Variants in MROH7 observed in about 807,000 individuals in gnomAD.
MROH7 encodes the protein maestro heat like repeat family member 7, also known as maestro heat-like repeat-containing protein family member 7.
MROH7 carries 113 observed loss-of-function variants against 129.2 expected under a neutral mutation model. The ratio of observed to expected loss-of-function variants is 0.87; its 90% CI spans 0.75 to 1.02. The LOEUF (loss-of-function observed/expected upper bound fraction) is 1.02, where lower values mean the gene tolerates loss of function less well. Among genes scored for constraint, MROH7 ranks in the 50% least tolerant of loss-of-function variants. The pLI, the probability that MROH7 is intolerant of heterozygous loss-of-function variation, is 0.00. For synonymous variants in MROH7, 655 were observed against 667.9 expected, an observed-to-expected ratio of 0.98 and a Z score of 0.30; for missense variants, 1,601 against 1,671.3, an observed-to-expected ratio of 0.96 and a Z score of 0.73.
intron 17 of MROH7, chr1:54,699,659 C>T (rs191975015): frequency 1.0e-4 from 18 of 173,946 alleles, no homozygotes; most frequent in South Asian, 3.2e-4. Flanking sequence ...GCACATATTC[C>T]GCACCAGAGT....
intron 14 of MROH7, 27 bp downstream of exon 14, chr1:54,682,821 T>C (rs1201922726): frequency 1.9e-6 from 3 of 1,603,120 alleles, no homozygotes; most frequent in Non-Finnish European, 2.5e-6. Flanking sequence ...CCAGCCCCTA[T>C]TGCTGCCTGT....
chr1:54,706,615 C>A, intron 22 of MROH7, 78 bp downstream of exon 22: 1 of 1,085,942 alleles, frequency 9.2e-7, no homozygotes, highest in Non-Finnish European at 1.4e-6. Context: ...AGGCTGCTAG[C>A]CCTTTCAGCA....
intron 1 of MROH7, among the ~76,000 whole-genome samples, chr1:54,642,401 G>C (rs1378140585): frequency 2.6e-5 from 4 of 152,120 alleles, no homozygotes; most frequent in African/African-American, 9.7e-5. Flanking sequence ...ATTATAGCTG[G>C]GTATCAGGAA....
At chr1:54,646,970 G>GTAC (rs1437417459) in intron 1 of MROH7, among the ~76,000 whole-genome samples, 3 of 152,206 alleles carry the variant, frequency 2.0e-5, no homozygotes, top group Non-Finnish European at 2.9e-5. Context: ...ACATGCATGA[G>GTAC]TACTTCATTC....
chr1:54,659,504 G>T (rs1644699772), intron 3 of MROH7, among the ~76,000 whole-genome samples: 1 of 151,096 alleles, frequency 6.6e-6, no homozygotes, highest in Non-Finnish European at 1.5e-5. Flanking sequence ...GCCCAGGCTG[G>T]AGTGCAATGG....
chr1:54,679,786 C>A, intron 12 of MROH7, 105 bp from the exon 13 acceptor site: 1 of 1,150,654 alleles, frequency 8.7e-7, no homozygotes, highest in Non-Finnish European at 1.3e-6. Context: ...GCCTTCTCCC[C>A]TGTCCTCTAG....
At position 54,710,141 on chromosome 1, in the gene MROH7, G is replaced by T. The variant is rs1372517416; in HGVS notation, c.3926G>T (p.Trp1309Leu). Reference sequence around the variant, plus strand: ...CCCACTTCCCACCAGCGGCGCTCCTGGATCATGCAGGCACTGGGCTCCTGG... The same window carrying T: ...CCCACTTCCCACCAGCGGCGCTCCTTGATCATGCAGGCACTGGGCTCCTGG... ...NLPTSHQRRS[W>L]IMQALGSWKM... Residue 1309 changes from tryptophan (W) to leucine (L), a missense_variant, in exon 24 of 24, where the codon TGG (tryptophan) becomes TTG (leucine). Coordinates refer to ENST00000421030, the MANE Select transcript of MROH7 (RefSeq NM_001039464.4). 2 of 1,613,660 alleles carry T rather than the reference G, an allele frequency of 1.2e-6. No individual in the cohort carries two copies. The highest frequency in any genetic ancestry group is 3.3e-5 in the Admixed American group (2 of 60,026).
intron 13 of MROH7, among the ~76,000 whole-genome samples, chr1:54,680,764 C>T (rs1039647527): frequency 6.6e-5 from 10 of 152,184 alleles, no homozygotes; most frequent in South Asian, 2.1e-4. Context: ...TCCACACCTT[C>T]GGGTGGTTGT....
At chr1:54,642,534 T>C (rs1004840440) in intron 1 of MROH7, among the ~76,000 whole-genome samples, 4 of 152,186 alleles carry the variant, frequency 2.6e-5, no homozygotes, top group Non-Finnish European at 2.9e-5. Flanking sequence ...GGAATCTCTA[T>C]GGTATTATAG....
rs778263944 is a variant in MROH7, at chr1:54,691,803, A to AAGTGT, written c.2712-621_2712-620insAGTGT. On this transcript the variant is annotated intron_variant, in intron 15 of 23. Transcript: ENST00000421030. The stretch of plus-strand genomic sequence containing the variant: ...CCTGGCGACAAAAAAAAAAAAAAAA[A>AAGTGT]GTGTGTGTGTGTGTGTGTGTGTGTG... Among the ~76,000 whole-genome samples the AAGTGT allele has an allele frequency of 2.7e-4, 28 of 104,190 alleles. No homozygotes were observed. The South Asian group carries it at 4.1e-3, about 15-fold the overall frequency. The allele number at this position is 104,190 out of a possible 152,430, so 68.4% of individuals were successfully genotyped here.
At chr1:54,682,414 C>A (rs1645084911) in intron 13 of MROH7, among the ~76,000 whole-genome samples, 2 of 152,176 alleles carry the variant, frequency 1.3e-5, no homozygotes, top group South Asian at 2.1e-4. Flanking sequence ...GTGATCCACC[C>A]ACTTTGGCCT....
intron 10 of MROH7, among the ~76,000 whole-genome samples, chr1:54,677,475 G>A (rs550994231): frequency 7.2e-5 from 11 of 152,284 alleles, no homozygotes; most frequent in African/African-American, 1.4e-4. Context: ...GACTACAGGC[G>A]TGAGCCACTG....
intron 1 of MROH7, among the ~76,000 whole-genome samples, chr1:54,649,960 C>T (rs1268840552): frequency 6.6e-6 from 1 of 152,204 alleles, no homozygotes; most frequent in Non-Finnish European, 1.5e-5. Flanking sequence ...AAGGCAGATG[C>T]AAAGCTGTGC....
chr1:54,680,336 G>A (rs879518979), intron 13 of MROH7, among the ~76,000 whole-genome samples: 4 of 152,178 alleles, frequency 2.6e-5, no homozygotes, highest in Non-Finnish European at 4.4e-5. Context: ...GCAATAGAAC[G>A]GAGGACCTAA....
rs1326603685 is a variant in MROH7, at chr1:54,679,293, A to G, written c.2080A>G (p.Ile694Val). Residue 694 changes from isoleucine (I) to valine (V), a missense_variant, in exon 12 of 24, where the codon ATA becomes GTA. Ile to Val is a conservative substitution (Grantham distance 29). Coordinates refer to ENST00000421030, the MANE Select transcript of MROH7 (RefSeq NM_001039464.4). ...TGGAGACTTCCTGGGGCCCCAGCAGATAAAGGACCTGCTGCTGGCCGCCCT... is the reference window on the plus strand; with the variant it reads ...TGGAGACTTCCTGGGGCCCCAGCAGGTAAAGGACCTGCTGCTGGCCGCCCT... The part of the protein sequence containing the change: ...EFGDFLGPQQ[I>V]KDLLLAALEG... The G allele has an allele frequency of 6.2e-7, 1 of 1,614,088 alleles. No individual in the cohort carries two copies. The highest frequency in any genetic ancestry group is 8.5e-7 in the Non-Finnish European group (1 of 1,180,038).
intron 4 of MROH7, among the ~76,000 whole-genome samples, chr1:54,666,390 T>C (rs150966957): frequency 1.4e-4 from 20 of 147,504 alleles, no homozygotes; most frequent in Non-Finnish European, 2.8e-4. Flanking sequence ...GCTTGGATCC[T>C]GGCAAAACAG....
intron 22 of MROH7, among the ~76,000 whole-genome samples, chr1:54,707,083 C>T (rs890704203): frequency 3.3e-5 from 5 of 152,178 alleles, no homozygotes; most frequent in African/African-American, 1.2e-4. Flanking sequence ...TAGCAGTCTT[C>T]ATTCTTCCAT....
chr1:54,679,752 C>A, intron 12 of MROH7, 139 bp from the exon 13 acceptor site: 1 of 847,356 alleles, frequency 1.2e-6, no homozygotes, highest in Non-Finnish European at 1.8e-6. Flanking sequence ...GCTCTGCTTG[C>A]CTCTTCCTCT....
At chr1:54,643,305 A>G (rs10888858) in intron 1 of MROH7, among the ~76,000 whole-genome samples, 48,796 of 152,006 alleles carry the variant, frequency 0.32, 8,103 homozygotes, top group Middle Eastern at 0.41. Context: ...GTTTAGGTGA[A>G]TAGTCTTGGG....
Sources: gnomAD v4.1 joint callset for allele counts (sites outside exome capture counted in the v4.1 genomes callset) on GRCh38, gnomAD v4.1.1 for gene constraint, MANE v1.5 for transcripts, NCBI Gene and HGNC (gene_info 2026-07-23, HGNC 2026-07-21) for gene names.